The following SHISA6 variants were observed in gnomAD, a reference collection of about 807,000 sequenced individuals.
SHISA6 encodes protein shisa-6.
SHISA6 carries 22 observed loss-of-function variants against 47.9 expected under a neutral mutation model. That is an observed-to-expected ratio of 0.46 (90% CI 0.33 to 0.66). The LOEUF (loss-of-function observed/expected upper bound fraction) is 0.66, where lower values mean the gene tolerates loss of function less well. Among genes scored for constraint, SHISA6 ranks in the 30% least tolerant of loss-of-function variants. The pLI is 0.02. For missense variants in SHISA6, 680 were observed against 764.6 expected (o/e 0.89, Z 1.30); for synonymous variants, 388 against 337.8 (o/e 1.15, Z -1.63).
chr17:11,409,424 A>C (rs1914052082), intron 3 of SHISA6, among the ~76,000 whole-genome samples: 1 of 152,144 alleles, frequency 6.6e-6, no homozygotes, highest in Non-Finnish European at 1.5e-5. Context: ...TATTAGAAAA[A>C]GACAGTGTCG....
At chr17:11,331,015 C>A (rs374602553) in intron 2 of SHISA6, among the ~76,000 whole-genome samples, 1 of 152,090 alleles carries the variant, frequency 6.6e-6, no homozygotes, top group Non-Finnish European at 1.5e-5. Flanking sequence ...GTTAGAAATG[C>A]GAGTGGATGT....
intron 3 of SHISA6, among the ~76,000 whole-genome samples, chr17:11,462,927 C>T (rs10491095): frequency 0.02 from 3,066 of 152,276 alleles, 38 homozygotes; most frequent in Middle Eastern, 0.037. Flanking sequence ...GTGTGTTATC[C>T]ATTGAGGTAG....
chr17:11,295,005 G>C (rs2142172486), intron 2 of SHISA6, among the ~76,000 whole-genome samples: 1 of 152,294 alleles, frequency 6.6e-6, no homozygotes, highest in South Asian at 2.1e-4. Context: ...CAGTCGATCT[G>C]ATAACCAAGA....
intron 2 of SHISA6, among the ~76,000 whole-genome samples, chr17:11,335,701 G>A (rs981022282): frequency 1.3e-5 from 2 of 152,072 alleles, no homozygotes; most frequent in Admixed American, 6.5e-5. Context: ...TCAGGAGCCC[G>A]AGGTTCCAGC....
At chr17:11,333,224 C>G (rs1911193290) in intron 2 of SHISA6, among the ~76,000 whole-genome samples, 1 of 152,166 alleles carries the variant, frequency 6.6e-6, no homozygotes, top group Non-Finnish European at 1.5e-5. Flanking sequence ...GGGAACCTGC[C>G]AGAGCCAGCG....
chr17:11,285,123 C>G (rs895266363), intron 2 of SHISA6, among the ~76,000 whole-genome samples: 6 of 152,248 alleles, frequency 3.9e-5, no homozygotes, highest in Non-Finnish European at 7.3e-5. Flanking sequence ...ATATGTGCTT[C>G]TATACACACA....
intron 2 of SHISA6, among the ~76,000 whole-genome samples, chr17:11,335,374 C>T (rs184362120): frequency 3.9e-4 from 60 of 152,292 alleles, no homozygotes; most frequent in Non-Finnish European, 1.0e-4. Context: ...CATGCTCCTT[C>T]TCCAGGCTTA....
chr17:11,404,022 C>T (rs1228810146), intron 3 of SHISA6, among the ~76,000 whole-genome samples: 1 of 152,158 alleles, frequency 6.6e-6, no homozygotes, highest in East Asian at 1.9e-4. Context: ...TATTCCTGCA[C>T]ATGAGGGCTG....
chr17:11,253,760 A>G lies in SHISA6; in HGVS notation c.639-9606A>G, dbSNP rs564243601. Among the ~76,000 whole-genome samples, 5 of 152,250 alleles carry G rather than the reference A, an allele frequency of 3.3e-5. No individual in the cohort carries two copies. In the South Asian group the frequency reaches 1.0e-3, roughly 32 times the overall value. On this transcript the variant is annotated intron_variant, in intron 1 of 5. Coordinates refer to ENST00000441885, the MANE Select transcript of SHISA6 (RefSeq NM_207386.4). The stretch of plus-strand genomic sequence containing the variant: ...TCTTTTTCTATTTCCTTGAGTTTTT[A>G]GAATCCAACTCTCTCTCTTTCGGCT...
Position 11,336,628 on chromosome 17 carries a change from T to C in SHISA6, c.800-42786T>C, listed in dbSNP as rs77712322. 4.4e-4 allele frequency among the ~76,000 whole-genome samples: 67 copies of C among 152,250 alleles called. No homozygotes were observed. In the East Asian group the frequency reaches 0.013, roughly 29 times the overall value. ...TGAGGAGGGGGCAGGGAAGAAGTCA[T>C]AGTGCTCCCTTCTCTCCTCCCCTCT... On this transcript the variant is annotated intron_variant, in intron 2 of 5. Coordinates refer to ENST00000441885, the MANE Select transcript of SHISA6 (RefSeq NM_207386.4).
chr17:11,553,889 G>A (rs80109321), intron 4 of SHISA6, among the ~76,000 whole-genome samples: 1,649 of 152,298 alleles, frequency 0.011, 15 homozygotes, highest in Middle Eastern at 0.014. Context: ...ATGGGACATT[G>A]GCACAGCAAA....
At chr17:11,506,974 T>A (rs190049932) in intron 3 of SHISA6, among the ~76,000 whole-genome samples, 57 of 152,190 alleles carry the variant, frequency 3.7e-4, no homozygotes, top group African/African-American at 1.3e-3. Flanking sequence ...GAAGAGATGA[T>A]CTTAGAGTCT....
chr17:11,462,356 C>A (rs1915713587), intron 3 of SHISA6, among the ~76,000 whole-genome samples: 1 of 152,162 alleles, frequency 6.6e-6, no homozygotes, highest in Non-Finnish European at 1.5e-5. Context: ...TGTTCAAAGA[C>A]CACAGATTCT....
rs375431092 is a variant in SHISA6, at chr17:11,490,215, C to T, written c.896-61681C>T. Among the ~76,000 whole-genome samples, 144 of 152,160 alleles carry T rather than the reference C, an allele frequency of 9.5e-4. 1 individual carries two copies. In the East Asian group the frequency reaches 0.015, roughly 16 times the overall value. ...GTAGAGAGACCTTGTAGATGCATAG[C>T]GTGGGGCTGCAGAGTACCCGAGAAG... is the stretch of plus-strand genomic sequence containing the variant. On this transcript the variant is annotated intron_variant, in intron 3 of 5. Coordinates refer to ENST00000441885, the MANE Select transcript of SHISA6 (RefSeq NM_207386.4).
intron 3 of SHISA6, among the ~76,000 whole-genome samples, chr17:11,393,852 T>C (rs1487375226): frequency 6.6e-6 from 1 of 152,212 alleles, no homozygotes; most frequent in Non-Finnish European, 1.5e-5. Context: ...AAAATTGGTT[T>C]CTTTTCTGCT....
rs189966538 is a variant in SHISA6 at position 11,282,997 on chromosome 17, T to A, written c.799+19471T>A. Among the ~76,000 whole-genome samples, 537 of 152,334 alleles carry A rather than the reference T, an allele frequency of 3.5e-3. 3 individuals are homozygous for A. Among genetic ancestry groups the A allele is most frequent in the African/African-American group, 0.012 (509 of 41,574 alleles). On this transcript the variant is annotated intron_variant, in intron 2 of 5. Transcript: ENST00000441885. Reference sequence around the variant, plus strand: ...TTGTATATGATTTGCTCCAGGATAGTTTCATTGATCTAGCGAAGTGTAAAG... The same window carrying A: ...TTGTATATGATTTGCTCCAGGATAGATTCATTGATCTAGCGAAGTGTAAAG...
At chr17:11,499,434 C>G (rs372736782) in intron 3 of SHISA6, among the ~76,000 whole-genome samples, 1 of 152,238 alleles carries the variant, frequency 6.6e-6, no homozygotes, top group Non-Finnish European at 1.5e-5. Context: ...TTTCTTCCCC[C>G]ACCTGTCCCA....
intron 3 of SHISA6, among the ~76,000 whole-genome samples, chr17:11,388,535 A>G (rs1178947352): frequency 3.3e-5 from 5 of 151,846 alleles, no homozygotes; most frequent in African/African-American, 1.2e-4. Flanking sequence ...CTGGATACGG[A>G]GAACCTGTCA....
At chr17:11,516,892 T>G (rs2071590172) in intron 3 of SHISA6, among the ~76,000 whole-genome samples, 1 of 152,196 alleles carries the variant, frequency 6.6e-6, no homozygotes, top group Non-Finnish European at 1.5e-5. Flanking sequence ...CACCACTTGC[T>G]GCAGCCAAGC....
Sources: gnomAD v4.1 joint callset for allele counts (sites outside exome capture counted in the v4.1 genomes callset) on GRCh38, gnomAD v4.1.1 for gene constraint, MANE v1.5 for transcripts, NCBI Gene and HGNC (gene_info 2026-07-23, HGNC 2026-07-21) for gene names.